ANKS3: variants seen among roughly 807,000 people sequenced by gnomAD.
ANKS3 encodes the protein ankyrin repeat and sterile alpha motif domain containing 3.
In ANKS3, 62 loss-of-function variants were observed where a neutral mutation model predicts 80.7. The observed-to-expected ratio is 0.77, with a 90% CI of 0.63 to 0.95. The LOEUF (loss-of-function observed/expected upper bound fraction) is 0.95. ANKS3 is among the 40% of genes least tolerant of loss of function. The pLI is 0.00. For synonymous variants in ANKS3, 489 were observed against 355.3 expected (o/e 1.38, Z -4.23); for missense variants, 1,150 against 883.6 (o/e 1.30, Z -3.82).
rs905819518 is a variant in ANKS3, at chr16:4,712,264, G to A, written c.709+1787C>T. ...TGCACGCCTGTGATCCCAGCTACTC[G>A]GGAGGCTGAGGCAGAAGAATTGCTT... On this transcript the variant is annotated intron_variant, in intron 7 of 17. Coordinates refer to ENST00000304283, the MANE Select transcript of ANKS3 (RefSeq NM_133450.4). Among the ~76,000 whole-genome samples, 20 of 152,062 alleles carry A rather than the reference G, an allele frequency of 1.3e-4. No individual in the cohort carries two copies. The East Asian group carries it at 1.5e-3, about 12-fold the overall frequency.
chr16:4,723,558 G>T (rs1288471760), intron 6 of ANKS3, among the ~76,000 whole-genome samples: 1 of 152,150 alleles, frequency 6.6e-6, no homozygotes, highest in African/African-American at 2.4e-5. Context: ...AAAGTGTTGG[G>T]ATTACCGGCG....
chr16:4,726,139 C>G (rs752165742), intron 5 of ANKS3, among the ~76,000 whole-genome samples: 2 of 151,522 alleles, frequency 1.3e-5, no homozygotes, highest in African/African-American at 4.9e-5. Context: ...CCATGCCCAG[C>G]TAATTTTTTC....
chr16:4,699,084 G>T lies in ANKS3; in HGVS notation c.1377C>A (p.Leu459=). The change falls in exon 12 of 18, where the codon CTC becomes CTA. Residue 459 remains leucine, a synonymous_variant. Transcript: ENST00000304283. ...CAATTTCCTTCAGGTCGCTCTCAGT[G>T]AGGGTCAGAAAGATGCGGAGGTCCA... ...QDVDLRIFLT[L]TESDLKEIGI... The T allele has an allele frequency of 6.2e-7, 1 of 1,614,180 alleles. No individual in the cohort carries two copies. Among genetic ancestry groups the T allele is most frequent in the African/African-American group, 1.3e-5 (1 of 75,068 alleles).
At chr16:4,706,425 CG>C (rs1375888662) in intron 7 of ANKS3, among the ~76,000 whole-genome samples, 5 of 151,904 alleles carry the variant, frequency 3.3e-5, no homozygotes, top group African/African-American at 1.2e-4. Flanking sequence ...TTAGTAGAGA[CG>C]GGGTTTCACC....
At chr16:4,715,476 G>A (rs879763757) in intron 6 of ANKS3, among the ~76,000 whole-genome samples, 3 of 152,122 alleles carry the variant, frequency 2.0e-5, no homozygotes, top group African/African-American at 7.2e-5. Context: ...CATGCCTGTA[G>A]TCCCAGCTAC....
chr16:4,730,900 T>C (rs958666844), intron 2 of ANKS3, among the ~76,000 whole-genome samples: 4 of 152,028 alleles, frequency 2.6e-5, no homozygotes, highest in South Asian at 2.1e-4. Flanking sequence ...CTCTGCTACT[T>C]AGCAACTCCA....
chr16:4,714,024 C>G (rs749389111), intron 7 of ANKS3, 27 bp downstream of exon 7: 4 of 1,611,214 alleles, frequency 2.5e-6, no homozygotes. Context: ...GAGACCCCAG[C>G]AGGGCGCGGC....
At chr16:4,697,837 C>G in intron 15 of ANKS3, 140 bp downstream of exon 15, 3 of 839,042 alleles carry the variant, frequency 3.6e-6, no homozygotes, top group Non-Finnish European at 5.4e-6. Context: ...TTTCCTTGGA[C>G]TCTGGGATCA....
In ANKS3 at chr16:4,723,361, T is replaced by C. The variant is rs148843697; in HGVS notation, c.573+1389A>G. ...ATTTGCTTATTCTGGACATTTCCTA[T>C]GAGTGAAATCACCTAGTGTGTGGCC... On this transcript the variant is annotated intron_variant, in intron 6 of 17. Transcript: ENST00000304283. Among the ~76,000 whole-genome samples, 22 of 152,376 alleles carry C rather than the reference T, an allele frequency of 1.4e-4. No individual in the cohort carries two copies. In the East Asian group the frequency reaches 4.0e-3, roughly 28 times the overall value.
intron 5 of ANKS3, among the ~76,000 whole-genome samples, chr16:4,725,778 G>C (rs982798169): frequency 1.3e-5 from 2 of 152,132 alleles, no homozygotes; most frequent in African/African-American, 2.4e-5. Context: ...TCCCGCCTCA[G>C]ACTCCCGAGT....
intron 6 of ANKS3, among the ~76,000 whole-genome samples, chr16:4,719,749 T>C (rs1156473015): frequency 1.3e-5 from 2 of 151,872 alleles, no homozygotes; most frequent in African/African-American, 4.8e-5. Flanking sequence ...CAATGACCCA[T>C]GATCAGGCCA....
intron 11 of ANKS3, 159 bp from the exon 12 acceptor site, chr16:4,699,335 C>G (rs1467951184): frequency 9.8e-7 from 1 of 1,024,604 alleles, no homozygotes; most frequent in African/African-American, 1.6e-5. Flanking sequence ...GTGGCTCAGG[C>G]AGGGCAGGAT....
At chr16:4,724,130 G>A (rs994790084) in intron 6 of ANKS3, among the ~76,000 whole-genome samples, 1 of 152,198 alleles carries the variant, frequency 6.6e-6, no homozygotes, top group African/African-American at 2.4e-5. Flanking sequence ...TTAAAGCTAT[G>A]TGTAAAAGGA....
intron 1 of ANKS3, among the ~76,000 whole-genome samples, chr16:4,733,444 A>G (rs2081770884): frequency 6.6e-6 from 1 of 151,956 alleles, no homozygotes; most frequent in Non-Finnish European, 1.5e-5. Flanking sequence ...GGTATGAGCC[A>G]CCATGCCAGC....
intron 7 of ANKS3, among the ~76,000 whole-genome samples, chr16:4,711,737 A>AAAAGG (rs1555470472): frequency 1.3e-5 from 2 of 150,032 alleles, no homozygotes; most frequent in Non-Finnish European, 3.0e-5. Flanking sequence ...AAAAAAAAAA[A>AAAAGG]GGGAGAAAAT....
At chr16:4,703,656 C>T (rs921743227) in intron 8 of ANKS3, among the ~76,000 whole-genome samples, 1 of 152,150 alleles carries the variant, frequency 6.6e-6, no homozygotes, top group Non-Finnish European at 1.5e-5. Context: ...CTTGATCCAC[C>T]TGCCTCGGCC....
Position 4,698,436 on chromosome 16 carries a change from T to C in ANKS3, c.1715A>G (p.Asp572Gly). The stretch of plus-strand genomic sequence containing the variant: ...GCTCAGAGCCACTCACCGCAGCTGG[T>C]CCAGGACGAGGGCAGCATCCCGGGC... ...ALARDAALVL[D>G]QLRACQAELS... Residue 572 changes from aspartate to glycine, a missense_variant, in exon 14 of 18, where the codon GAC (aspartate) becomes GGC (glycine). Asp to Gly is a moderately conservative substitution (Grantham distance 94). Transcript: ENST00000304283. 1 of 1,526,902 alleles carries C rather than the reference T, an allele frequency of 6.5e-7. No individual in the cohort carries two copies. Among genetic ancestry groups the C allele is most frequent in the East Asian group, 2.4e-5 (1 of 41,814 alleles). 94.6% of individuals were successfully genotyped at this position (1,526,902 alleles called of 1,614,324 possible).
rs763419237 is a variant in ANKS3 at position 4,701,098 on chromosome 16, G to C, written c.1156C>G (p.Gln386Glu). The change falls in exon 11 of 18, where the codon CAA (glutamine) becomes GAA (glutamate). Residue 386 changes from glutamine to glutamate, a missense_variant. By Grantham distance (29) the Gln-to-Glu change is conservative. Coordinates refer to ENST00000304283, the MANE Select transcript of ANKS3 (RefSeq NM_133450.4). ...TTGGTCTTCATGTAACTTTTAGCTT[G>C]TTTGCGAGCTGAGCTTTTACAGGCA... ...DHACKSSARK[Q>E]AKSYMKTKNP... 2.5e-6 allele frequency: 4 copies of C among 1,614,074 alleles called. No homozygotes were observed. Among genetic ancestry groups the C allele is most frequent in the Non-Finnish European group, 3.4e-6 (4 of 1,180,042 alleles).
chr16:4,716,822 G>A (rs2080826106), intron 6 of ANKS3, among the ~76,000 whole-genome samples: 1 of 152,144 alleles, frequency 6.6e-6, no homozygotes, highest in Non-Finnish European at 1.5e-5. Context: ...GGCTGAGGGA[G>A]GAGAAATCCT....
Sources: gnomAD v4.1 joint callset for allele counts (sites outside exome capture counted in the v4.1 genomes callset) on GRCh38, gnomAD v4.1.1 for gene constraint, MANE v1.5 for transcripts, NCBI Gene and HGNC (gene_info 2026-07-23, HGNC 2026-07-21) for gene names.